Variants in RIN3 observed in about 807,000 individuals in gnomAD.
RIN3 encodes the protein RAB5 interacting protein 3.
In RIN3, 54 loss-of-function variants were observed where a neutral mutation model predicts 76.3. The ratio of observed to expected loss-of-function variants is 0.71; its 90% CI spans 0.57 to 0.89. RIN3 has a LOEUF of 0.89. RIN3 is among the 40% of genes least tolerant of loss of function. RIN3 has a pLI of 0.00. For missense variants in RIN3, 1,256 were observed against 1,322.1 expected (o/e 0.95, Z 0.78); for synonymous variants, 576 against 564.0 (o/e 1.02, Z -0.30).
chr14:92,594,731 A>G lies in RIN3; in HGVS notation c.367+17254A>G, dbSNP rs904673199. Reference sequence around the variant, plus strand: ...ACAAAAGAAGAAAACCTGGTTTTATATTTACTTCTCTCACTTAACTAGCTC... The same window carrying G: ...ACAAAAGAAGAAAACCTGGTTTTATGTTTACTTCTCTCACTTAACTAGCTC... On this transcript the variant is annotated intron_variant, in intron 3 of 9. Coordinates refer to ENST00000216487, the MANE Select transcript of RIN3 (RefSeq NM_024832.5). 3.9e-5 allele frequency among the ~76,000 whole-genome samples: 6 copies of G among 152,198 alleles called. 1 individual carries two copies. Among genetic ancestry groups the G allele is most frequent in the Non-Finnish European group, 8.8e-5 (6 of 68,024 alleles).
intron 3 of RIN3, among the ~76,000 whole-genome samples, chr14:92,579,807 A>G (rs919891356): frequency 2.0e-5 from 3 of 152,262 alleles, no homozygotes; most frequent in Non-Finnish European, 4.4e-5. Flanking sequence ...TGGGAAACAG[A>G]CATCACTTGC....
At chr14:92,534,586 T>TC (rs1282827458) in intron 1 of RIN3, among the ~76,000 whole-genome samples, 2 of 86,126 alleles carry the variant, frequency 2.3e-5, no homozygotes, top group Non-Finnish European at 2.5e-5. Flanking sequence ...AGACTCCATC[T>TC]CAAAAAAAAA....
At chr14:92,653,188 CT>C (rs754148994) in intron 6 of RIN3, 113 bp downstream of exon 6, 62 of 1,139,590 alleles carry the variant, frequency 5.4e-5, no homozygotes, top group African/African-American at 1.4e-4. Flanking sequence ...TGCCCACCCC[CT>C]ATCCCTTCCT....
Position 92,684,984 on chromosome 14 carries a change from C to T in RIN3, c.2468-3C>T. 1 of 1,610,076 alleles carries T rather than the reference C, an allele frequency of 6.2e-7. No individual in the cohort carries two copies. Among genetic ancestry groups the T allele is most frequent in the South Asian group, 1.1e-5 (1 of 91,002 alleles). Reference sequence around the variant, plus strand: ...CTCAGATTCCACACCCTTGTCCACGCAGGTTCCTACTATCTGACCACCACC... The same window carrying T: ...CTCAGATTCCACACCCTTGTCCACGTAGGTTCCTACTATCTGACCACCACC... On this transcript the variant is annotated splice_region_variant and splice_polypyrimidine_tract_variant and intron_variant, in intron 8 of 9. Transcript: ENST00000216487.
At chr14:92,588,133 C>G (rs1884842296) in intron 3 of RIN3, among the ~76,000 whole-genome samples, 1 of 151,496 alleles carries the variant, frequency 6.6e-6, no homozygotes, top group African/African-American at 2.4e-5. Context: ...ATTTTAAAGG[C>G]CCCAACTCCT....
intron 1 of RIN3, among the ~76,000 whole-genome samples, chr14:92,555,245 C>G (rs1177240936): frequency 6.6e-6 from 1 of 152,202 alleles, no homozygotes; most frequent in Non-Finnish European, 1.5e-5. Context: ...TTTTCCTGAA[C>G]CCATCCCGGG....
intron 1 of RIN3, among the ~76,000 whole-genome samples, chr14:92,544,527 C>T (rs974790848): frequency 1.3e-5 from 2 of 151,248 alleles, no homozygotes; most frequent in Non-Finnish European, 2.9e-5. Context: ...GACCTTCCAA[C>T]ATGGGACTCT....
chr14:92,652,044 A>T lies in RIN3; in HGVS notation c.995A>T (p.His332Leu). 8 of 1,421,982 alleles carry T rather than the reference A, an allele frequency of 5.6e-6. No individual in the cohort carries two copies. Among genetic ancestry groups the T allele is most frequent in the Non-Finnish European group, 6.5e-6 (7 of 1,078,610 alleles). 88.1% of individuals were successfully genotyped at this position (1,421,982 alleles called of 1,614,324 possible). The stretch of plus-strand genomic sequence containing the variant: ...CCCCATGCCCCAGGTCCCCCAGACC[A>T]TCCGAACCAGCCGCCCATGATGACC... ...VTPHAPGPPD[H>L]PNQPPMMTCE... The change falls in exon 6 of 10, where the codon CAT becomes CTT. Residue 332 changes from histidine to leucine, a missense_variant. By Grantham distance (99) the His-to-Leu change is moderately conservative (BLOSUM62 -3). This residue lies in a region of RIN3 where 610 missense variants were observed against 626.4 expected (regional missense o/e 0.97). Transcript: ENST00000216487. This position sits in a 1 kb window ranked among gnomAD's most constrained non-coding sequence, Gnocchi z 6.4.
intron 3 of RIN3, among the ~76,000 whole-genome samples, chr14:92,604,446 A>G (rs1226032496): frequency 2.6e-5 from 4 of 152,234 alleles, no homozygotes; most frequent in Non-Finnish European, 5.9e-5. Flanking sequence ...GTAGTGTTAC[A>G]TAAGGACCTG....
intron 9 of RIN3, 36 bp from the exon 10 acceptor site, chr14:92,687,890 C>T: frequency 6.7e-7 from 1 of 1,497,344 alleles, no homozygotes; most frequent in Non-Finnish European, 8.9e-7. Context: ...GGAGACAGGG[C>T]CCCGCCGTGA....
In RIN3 at chr14:92,673,796, G is replaced by A. The variant is rs138577726; in HGVS notation, c.2336-2679G>A. 4.7e-3 allele frequency among the ~76,000 whole-genome samples: 719 copies of A among 152,302 alleles called. 2 individuals are homozygous for A. Among genetic ancestry groups the A allele is most frequent in the South Asian group, 0.012 (56 of 4,826 alleles). On this transcript the variant is annotated intron_variant, in intron 7 of 9. Transcript: ENST00000216487. ...GCTGGGATTACAGACATGAGCCACCGCGCCCGGCCGCCACATCTTCAGTGA... is the reference window on the plus strand; with the variant it reads ...GCTGGGATTACAGACATGAGCCACCACGCCCGGCCGCCACATCTTCAGTGA...
intron 3 of RIN3, among the ~76,000 whole-genome samples, chr14:92,614,727 C>T (rs998904177): frequency 4.6e-5 from 7 of 151,400 alleles, no homozygotes; most frequent in East Asian, 1.9e-4. Flanking sequence ...ATCATTAAGA[C>T]GTGCCTTTCG....
At chr14:92,626,850 G>A (rs1372368067) in intron 4 of RIN3, among the ~76,000 whole-genome samples, 1 of 152,080 alleles carries the variant, frequency 6.6e-6, no homozygotes, top group Admixed American at 6.5e-5. Context: ...TTCTTTAGGG[G>A]AAAGAGGAGA....
intron 1 of RIN3, among the ~76,000 whole-genome samples, chr14:92,541,371 T>A (rs1250133863): frequency 6.6e-6 from 1 of 152,228 alleles, no homozygotes; most frequent in East Asian, 1.9e-4. Flanking sequence ...GTCACACTTC[T>A]TTCTGTGCTG....
rs757000680 is a variant in RIN3 at position 92,652,918 on chromosome 14, C to T, written c.1869C>T (p.Tyr623=). 6.2e-7 allele frequency: 1 copy of T among 1,614,036 alleles called. No individual in the cohort carries two copies. The highest frequency in any genetic ancestry group is 8.5e-7 in the Non-Finnish European group (1 of 1,180,044). The change falls in exon 6 of 10, where the codon TAC becomes TAT. Residue 623 remains tyrosine (Y), a synonymous_variant. Transcript: ENST00000216487. This position sits in a 1 kb window ranked among gnomAD's most constrained non-coding sequence, Gnocchi z 6.4. ...GSYFGSLVQD[Y]KVYSLEMMAR... ...ACTTTGGCAGCCTGGTGCAGGACTA[C>T]AAGGTGTACAGCCTGGAGATGATGG...
rs561664755 is a variant in RIN3, at chr14:92,684,134, C to T, written c.2468-853C>T. Among the ~76,000 whole-genome samples the T allele has an allele frequency of 2.0e-5, 3 of 152,186 alleles. No individual in the cohort carries two copies. The South Asian group carries it at 6.2e-4, about 32-fold the overall frequency. On this transcript the variant is annotated intron_variant, in intron 8 of 9. Coordinates refer to ENST00000216487, the MANE Select transcript of RIN3 (RefSeq NM_024832.5). The stretch of plus-strand genomic sequence containing the variant: ...GTGGTTCATGTCAGTAATCCCAGCA[C>T]TTTGGGAGGCTGAGGCGGGCGGATC...
At chr14:92,649,213 CACCAGTGG>C (rs1887315836) in intron 5 of RIN3, among the ~76,000 whole-genome samples, 1 of 152,150 alleles carries the variant, frequency 6.6e-6, no homozygotes, top group African/African-American at 2.4e-5. Flanking sequence ...GGTGTCCCGG[CACCAGTGG>C]GCAGTTCTAT....
chr14:92,645,726 C>T (rs759683608), intron 5 of RIN3, among the ~76,000 whole-genome samples: 1 of 152,154 alleles, frequency 6.6e-6, no homozygotes, highest in Non-Finnish European at 1.5e-5. Flanking sequence ...GAGGCCAAGG[C>T]GGGCGGATCA....
At chr14:92,515,136 T>C in intron 1 of RIN3, 1 of 664,842 alleles carries the variant, frequency 1.5e-6, no homozygotes, top group Non-Finnish European at 2.7e-6. Context: ...AACGTCTCCC[T>C]TCCCTTCTTC....
Sources: gnomAD v4.1 joint callset for allele counts (sites outside exome capture counted in the v4.1 genomes callset) on GRCh38, gnomAD v4.1.1 for gene constraint, gnomAD v4.1.1 regional missense constraint, Gnocchi (gnomAD v3.1) non-coding constraint, MANE v1.5 for transcripts, NCBI Gene and HGNC (gene_info 2026-07-23, HGNC 2026-07-21) for gene names.